The following CNOT4 variants were observed in gnomAD, a reference collection of about 807,000 sequenced individuals.
The protein encoded by CNOT4 is CCR4-NOT transcription complex subunit 4, also known as CCR4-associated factor 4.
Under a neutral mutation model 73.8 loss-of-function variants are expected in CNOT4, and 8 were observed. The ratio of observed to expected loss-of-function variants is 0.11; its 90% confidence interval spans 0.06 to 0.20. CNOT4 has a LOEUF of 0.20. CNOT4 is among the 10% of genes least tolerant of loss of function. The pLI is 1.00. For synonymous variants in CNOT4, 293 were observed against 321.1 expected, an observed-to-expected ratio of 0.91 and a Z score of 0.94; for missense variants, 564 against 883.4, an observed-to-expected ratio of 0.64 and a Z score of 4.58.
At chr7:135,421,783 T>G (rs1190219453) in intron 3 of CNOT4, among the ~76,000 whole-genome samples, 2 of 152,154 alleles carry the variant, frequency 1.3e-5, no homozygotes, top group Non-Finnish European at 2.9e-5. Flanking sequence ...TTCAAACAAC[T>G]GCACCTCCAC....
chr7:135,479,929 G>C (rs1376865397), intron 1 of CNOT4, among the ~76,000 whole-genome samples: 1 of 152,046 alleles, frequency 6.6e-6, no homozygotes, highest in Non-Finnish European at 1.5e-5. Flanking sequence ...GAGAGTTTAT[G>C]TATTTTATAA....
At chr7:135,492,493 A>T (rs2129487737) in intron 1 of CNOT4, among the ~76,000 whole-genome samples, 1 of 152,352 alleles carries the variant, frequency 6.6e-6, no homozygotes, top group African/African-American at 2.4e-5. Context: ...TGAAAAGGCA[A>T]TAGAATCAGT....
chr7:135,381,744 TCATA>T (rs1258710025), intron 10 of CNOT4, among the ~76,000 whole-genome samples: 1 of 152,176 alleles, frequency 6.6e-6, no homozygotes, highest in Non-Finnish European at 1.5e-5. Context: ...GGTCACTGCA[TCATA>T]CACTTTAAAA....
intron 1 of CNOT4, among the ~76,000 whole-genome samples, chr7:135,498,779 C>G (rs1263669104): frequency 6.6e-6 from 1 of 152,170 alleles, no homozygotes; most frequent in Non-Finnish European, 1.5e-5. Context: ...GAACTCCTGA[C>G]TTCGTGATCC....
At chr7:135,429,261 C>A (rs1374108712) in intron 2 of CNOT4, among the ~76,000 whole-genome samples, 1 of 152,076 alleles carries the variant, frequency 6.6e-6, no homozygotes, top group Non-Finnish European at 1.5e-5. Context: ...ATCTTCTTTC[C>A]TATGATTTCC....
intron 10 of CNOT4, among the ~76,000 whole-genome samples, chr7:135,367,384 T>C (rs1412908380): frequency 2.6e-5 from 4 of 152,146 alleles, no homozygotes; most frequent in Admixed American, 1.3e-4. Context: ...GCAGGTCTCA[T>C]AGAGAAAACA....
chr7:135,459,840 T>C (rs575491267), intron 1 of CNOT4, among the ~76,000 whole-genome samples: 220 of 152,348 alleles, frequency 1.4e-3, no homozygotes, highest in African/African-American at 5.1e-3. Context: ...ATCAAAGTCC[T>C]AGAAGGCTGT....
intron 1 of CNOT4, among the ~76,000 whole-genome samples, chr7:135,442,000 A>G (rs1276584730): frequency 1.3e-5 from 2 of 152,220 alleles, no homozygotes; most frequent in Non-Finnish European, 2.9e-5. Context: ...GGAGGAGGGT[A>G]GTCTGATGTG....
At chr7:135,406,626 G>A (rs1002863694) in intron 7 of CNOT4, among the ~76,000 whole-genome samples, 2 of 152,058 alleles carry the variant, frequency 1.3e-5, no homozygotes, top group Non-Finnish European at 2.9e-5. Context: ...ACACCACTGT[G>A]CTCCAGCCCA....
intron 10 of CNOT4, among the ~76,000 whole-genome samples, chr7:135,369,390 C>T (rs930998455): frequency 2.0e-5 from 3 of 152,160 alleles, no homozygotes; most frequent in African/African-American, 7.2e-5. Context: ...ATAATAAATA[C>T]ACCCTTACCG....
At chr7:135,433,350 CTTTTTTTTTT>C (rs954189759) in intron 2 of CNOT4, among the ~76,000 whole-genome samples, 1 of 114,450 alleles carries the variant, frequency 8.7e-6, no homozygotes. Flanking sequence ...TCATCCTGTT[CTTTTTTTTTT>C]TTTTTTTTTT....
intron 2 of CNOT4, among the ~76,000 whole-genome samples, chr7:135,432,718 G>A (rs1027826075): frequency 2.6e-5 from 4 of 152,102 alleles, no homozygotes; most frequent in African/African-American, 9.7e-5. Context: ...ATAGATTCCT[G>A]GGAGAGAATG....
At chr7:135,438,505 T>G in intron 1 of CNOT4, 82 bp from the exon 2 acceptor site, 1 of 433,702 alleles carries the variant, frequency 2.3e-6, no homozygotes, top group East Asian at 3.6e-5. Context: ...TGTCAAAAAA[T>G]TTGAAAAATA....
chr7:135,501,816 T>G (rs767071854), intron 1 of CNOT4, among the ~76,000 whole-genome samples: 11 of 152,212 alleles, frequency 7.2e-5, no homozygotes, highest in Non-Finnish European at 1.3e-4. Flanking sequence ...CACATCATGC[T>G]AGCCCCTATC....
At chr7:135,501,849 G>A (rs1803988528) in intron 1 of CNOT4, among the ~76,000 whole-genome samples, 1 of 152,114 alleles carries the variant, frequency 6.6e-6, no homozygotes, top group African/African-American at 2.4e-5. Context: ...ATTCTTTACT[G>A]TGGTCTAAAT....
intron 10 of CNOT4, among the ~76,000 whole-genome samples, chr7:135,391,058 G>GAACAGGTGCAAGTGAGTTAC (rs989925293): frequency 2.6e-5 from 4 of 152,034 alleles, no homozygotes; most frequent in Admixed American, 1.3e-4. Context: ...AAGTGAGTTA[G>GAACAGGTGCAAGTGAGTTAC]AACAGGTGCA....
intron 1 of CNOT4, among the ~76,000 whole-genome samples, chr7:135,485,713 G>A (rs561053441): frequency 7.9e-5 from 12 of 152,296 alleles, no homozygotes; most frequent in African/African-American, 2.9e-4. Context: ...AGGGAAGGGG[G>A]AAGGGAAGCG....
intron 10 of CNOT4, chr7:135,388,813 A>T (rs541353823): frequency 1.2e-6 from 2 of 1,613,038 alleles, no homozygotes; most frequent in African/African-American, 1.3e-5. Flanking sequence ...AGTAGTGTGG[A>T]GACTTGTAGG....
intron 1 of CNOT4, among the ~76,000 whole-genome samples, chr7:135,452,448 T>A (rs578105797): frequency 4.5e-4 from 68 of 152,130 alleles, no homozygotes; most frequent in African/African-American, 1.5e-3. Flanking sequence ...CACACACTTG[T>A]AATCCCAGCT....
Sources: allele counts gnomAD v4.1 joint callset (sites outside exome capture counted in the v4.1 genomes callset), GRCh38; gene constraint gnomAD v4.1.1; transcripts MANE v1.5; gene names NCBI Gene and HGNC (gene_info 2026-07-23, HGNC 2026-07-21).